Variants in EDIL3 observed in about 807,000 individuals in gnomAD.
EDIL3 encodes EGF like and discoidin domains 3.
EDIL3 carries 37 observed loss-of-function variants against 67.4 expected under a neutral mutation model. The ratio of observed to expected loss-of-function variants is 0.55; its 90% CI spans 0.42 to 0.72. EDIL3 has a LOEUF of 0.72. EDIL3 is among the 30% of genes least tolerant of loss of function. The pLI is 0.00. For synonymous variants in EDIL3, 195 were observed against 196.3 expected (o/e 0.99, Z 0.05); for missense variants, 527 against 586.3 (o/e 0.90, Z 1.04).
At position 84,331,480 on chromosome 5, in the gene EDIL3, T is replaced by C. The variant is rs564283465; in HGVS notation, c.67+52828A>G. On this transcript the variant is annotated intron_variant, in intron 1 of 10. Coordinates refer to ENST00000296591, the MANE Select transcript of EDIL3 (RefSeq NM_005711.5). ...AGTGAGTTCTCACAAGATCTGATGGTTTTATAAGGGGCTTTGCCCTGCCTT... is the reference window on the plus strand; with the variant it reads ...AGTGAGTTCTCACAAGATCTGATGGCTTTATAAGGGGCTTTGCCCTGCCTT... Among the ~76,000 whole-genome samples the C allele has an allele frequency of 3.2e-4, 49 of 152,234 alleles. 1 individual carries two copies. In the South Asian group the frequency reaches 9.3e-3, roughly 29 times the overall value.
chr5:84,221,620 C>T (rs1015900494), intron 3 of EDIL3, among the ~76,000 whole-genome samples: 1 of 152,028 alleles, frequency 6.6e-6, no homozygotes, highest in Non-Finnish European at 1.5e-5. Context: ...GGTAAACTGA[C>T]CAAAGCCACA....
At chr5:84,147,178 C>A (rs377726654) in intron 4 of EDIL3, among the ~76,000 whole-genome samples, 1 of 151,966 alleles carries the variant, frequency 6.6e-6, no homozygotes, top group East Asian at 1.9e-4. Flanking sequence ...AAAAAAAATT[C>A]TGTATGTGAT....
At chr5:83,967,914 A>G (rs941381952) in intron 9 of EDIL3, among the ~76,000 whole-genome samples, 1 of 152,126 alleles carries the variant, frequency 6.6e-6, no homozygotes, top group Non-Finnish European at 1.5e-5. Context: ...CCTTCATATC[A>G]TTTATTCTGA....
chr5:84,059,675 A>T (rs925279922), intron 9 of EDIL3, among the ~76,000 whole-genome samples: 1 of 152,168 alleles, frequency 6.6e-6, no homozygotes, highest in Non-Finnish European at 1.5e-5. Context: ...ACTTTTTGCC[A>T]CAGAAGCCAC....
intron 9 of EDIL3, among the ~76,000 whole-genome samples, chr5:83,987,879 A>ATG (rs1745083483): frequency 6.7e-6 from 1 of 149,120 alleles, no homozygotes; most frequent in Non-Finnish European, 1.5e-5. Context: ...GTATATATAT[A>ATG]TATATATATA....
At chr5:84,257,650 T>C (rs1044861116) in intron 1 of EDIL3, among the ~76,000 whole-genome samples, 20 of 152,152 alleles carry the variant, frequency 1.3e-4, no homozygotes, top group Non-Finnish European at 1.5e-5. Context: ...AGATTCAGTT[T>C]TAAAGGGATT....
chr5:83,946,678 G>A (rs1294975700), intron 10 of EDIL3, among the ~76,000 whole-genome samples: 1 of 151,766 alleles, frequency 6.6e-6, no homozygotes, highest in Non-Finnish European at 1.5e-5. Context: ...GTCTATTCAG[G>A]CCGGTATAGA....
chr5:84,127,720 CTTTTA>C (rs1209242895), intron 5 of EDIL3, among the ~76,000 whole-genome samples: 3 of 152,092 alleles, frequency 2.0e-5, no homozygotes, highest in East Asian at 1.9e-4. Flanking sequence ...TTGGATTATC[CTTTTA>C]TTTTATTTTT....
At chr5:84,075,544 C>G (rs902584849) in intron 6 of EDIL3, among the ~76,000 whole-genome samples, 3 of 151,918 alleles carry the variant, frequency 2.0e-5, no homozygotes, top group Non-Finnish European at 2.9e-5. Flanking sequence ...GGTGCAATCT[C>G]AGCTCACTGC....
At chr5:84,217,059 G>A (rs1744239223) in intron 3 of EDIL3, among the ~76,000 whole-genome samples, 1 of 151,304 alleles carries the variant, frequency 6.6e-6, no homozygotes, top group Non-Finnish European at 1.5e-5. Context: ...CCTTCCCTGA[G>A]CCAGGAAATC....
At chr5:84,286,222 A>G (rs375049375) in intron 1 of EDIL3, among the ~76,000 whole-genome samples, 1 of 152,274 alleles carries the variant, frequency 6.6e-6, no homozygotes, top group East Asian at 1.9e-4. Flanking sequence ...TTGTGATAGC[A>G]TGCATTTTCA....
intron 2 of EDIL3, among the ~76,000 whole-genome samples, chr5:84,237,483 T>G: frequency 6.6e-6 from 1 of 152,182 alleles, no homozygotes; most frequent in Non-Finnish European, 1.5e-5. Context: ...TAACTAAAAT[T>G]CACCACAAGC....
intron 1 of EDIL3, among the ~76,000 whole-genome samples, chr5:84,293,828 C>A (rs1245728666): frequency 2.0e-5 from 3 of 149,548 alleles, no homozygotes; most frequent in African/African-American, 7.4e-5. Context: ...CTCTTGAAAA[C>A]AATTCAATAC....
At chr5:83,963,805 G>A (rs1345519344) in intron 9 of EDIL3, among the ~76,000 whole-genome samples, 1 of 151,728 alleles carries the variant, frequency 6.6e-6, no homozygotes, top group African/African-American at 2.4e-5. Flanking sequence ...CACTGTAGCT[G>A]TGTCCACATC....
At chr5:84,244,932 G>A (rs1744876743) in intron 2 of EDIL3, among the ~76,000 whole-genome samples, 2 of 152,234 alleles carry the variant, frequency 1.3e-5, no homozygotes, top group African/African-American at 2.4e-5. Flanking sequence ...GATGTAGGTT[G>A]CGTGCTCCTT....
At position 84,060,436 on chromosome 5, in the gene EDIL3, T is replaced by C. The variant is rs1561418669; in HGVS notation, c.1001A>G (p.Gln334Arg). The C allele has an allele frequency of 5.6e-6, 9 of 1,613,782 alleles. No homozygotes were observed. The highest frequency in any genetic ancestry group is 6.8e-6 in the Non-Finnish European group (8 of 1,179,814). Residue 334 changes from glutamine (Q) to arginine (R), a missense_variant, in exon 9 of 11, where the codon CAG becomes CGG. Physicochemically the swap from Gln to Arg is conservative, Grantham distance 43. Around this residue, in one of 2 missense-constraint regions of EDIL3, gnomAD observed 494 missense variants for 522.5 expected, o/e 0.95. Transcript: ENST00000296591. ...GMKSGHIQDY[Q>R]ITASSIFRTL... ...TCTGAAGATGCTGGAGGCAGTGATC[T>C]GATAGTCTTGTATATGTCCTGATTT... is the stretch of plus-strand genomic sequence containing the variant.
intron 10 of EDIL3, among the ~76,000 whole-genome samples, chr5:83,961,943 G>A (rs1744613080): frequency 6.6e-6 from 1 of 151,356 alleles, no homozygotes; most frequent in African/African-American, 2.4e-5. Flanking sequence ...TTTCTAAGAT[G>A]TTAACATGTG....
At chr5:84,245,775 G>A (rs965516838) in intron 2 of EDIL3, among the ~76,000 whole-genome samples, 1 of 152,022 alleles carries the variant, frequency 6.6e-6, no homozygotes, top group Non-Finnish European at 1.5e-5. Flanking sequence ...CTTTGAATTT[G>A]TAATTTTCAT....
At chr5:84,086,135 C>T (rs1166786608) in intron 6 of EDIL3, among the ~76,000 whole-genome samples, 1 of 152,182 alleles carries the variant, frequency 6.6e-6, no homozygotes, top group African/African-American at 2.4e-5. Context: ...CCACTTGGCT[C>T]TCTGGCTTCA....
Sources: gnomAD v4.1 joint callset for allele counts (sites outside exome capture counted in the v4.1 genomes callset) on GRCh38, gnomAD v4.1.1 for gene constraint, gnomAD v4.1.1 regional missense constraint, MANE v1.5 for transcripts, NCBI Gene and HGNC (gene_info 2026-07-23, HGNC 2026-07-21) for gene names.